Variants in RNF111 observed in about 807,000 individuals in gnomAD.
The protein encoded by RNF111 is ring finger protein 111.
RNF111 carries 17 observed loss-of-function variants against 95.1 expected under a neutral mutation model. The observed-to-expected ratio is 0.18, with a 90% CI of 0.12 to 0.27. The LOEUF (loss-of-function observed/expected upper bound fraction) is 0.27. Ranked by LOEUF, RNF111 falls within the 10% of genes least tolerant of loss-of-function variation. RNF111 has a pLI of 1.00. For missense variants in RNF111, 1,189 were observed against 1,210.4 expected, an observed-to-expected ratio of 0.98 and a Z score of 0.26; for synonymous variants, 440 against 414.8, an observed-to-expected ratio of 1.06 and a Z score of -0.74.
At position 59,031,298 on chromosome 15, in the gene RNF111, A is replaced by C; in HGVS notation, c.476A>C (p.Lys159Thr). Residue 159 changes from lysine (K) to threonine (T), a missense_variant, in exon 2 of 14, where the codon AAA becomes ACA. Lys to Thr is a moderately conservative substitution (Grantham distance 78, BLOSUM62 -1). Transcript: ENST00000348370. ...GATACTGTGACTTCAGATGAGGATA[A>C]AGAAGTCTCTGTAAGACATTCCCAG... ...DSDTVTSDED[K>T]EVSVRHSQTI... The C allele has an allele frequency of 6.2e-7, 1 of 1,614,150 alleles. No homozygotes were observed. Among genetic ancestry groups the C allele is most frequent in the Non-Finnish European group, 8.5e-7 (1 of 1,180,010 alleles).
At chr15:59,067,785 C>A (rs1260170549) in intron 6 of RNF111, among the ~76,000 whole-genome samples, 2 of 152,072 alleles carry the variant, frequency 1.3e-5, no homozygotes, top group African/African-American at 2.4e-5. Flanking sequence ...TTGGAAAATT[C>A]TCCCAGTTTT....
intron 1 of RNF111, among the ~76,000 whole-genome samples, chr15:59,007,150 A>G (rs545721996): frequency 1.6e-4 from 24 of 152,278 alleles, no homozygotes; most frequent in African/African-American, 5.3e-4. Flanking sequence ...AAATGCATCT[A>G]TTTATTGCCC....
At chr15:59,072,448 A>G (rs1310632080) in intron 6 of RNF111, among the ~76,000 whole-genome samples, 1 of 126,598 alleles carries the variant, frequency 7.9e-6, no homozygotes, top group Non-Finnish European at 1.6e-5. Context: ...TGTCATTTCC[A>G]TCTTTTTTTT....
chr15:59,078,527 G>A (rs1463589507), intron 7 of RNF111, among the ~76,000 whole-genome samples: 3 of 144,912 alleles, frequency 2.1e-5, no homozygotes, highest in Non-Finnish European at 3.0e-5. Flanking sequence ...ACTCCTGCCT[G>A]GACAACATAG....
chr15:59,057,279 C>G (rs957057846), intron 4 of RNF111, among the ~76,000 whole-genome samples: 1 of 152,024 alleles, frequency 6.6e-6, no homozygotes, highest in East Asian at 1.9e-4. Flanking sequence ...GTTGAGAAAC[C>G]CTGGTTAAAC....
chr15:59,087,306 AT>A (rs2078926710), intron 10 of RNF111, among the ~76,000 whole-genome samples: 1 of 152,248 alleles, frequency 6.6e-6, no homozygotes, highest in Non-Finnish European at 1.5e-5. Context: ...TGAACAAAGG[AT>A]TCTGAGAACT....
chr15:59,080,816 ATAAAG>A (rs1423225143), intron 7 of RNF111, 115 bp from the exon 8 acceptor site: 26 of 780,878 alleles, frequency 3.3e-5, no homozygotes, highest in Non-Finnish European at 5.2e-5. Context: ...ACTTTACTTG[ATAAAG>A]TATTCATAAA....
intron 2 of RNF111, among the ~76,000 whole-genome samples, chr15:59,045,840 C>G (rs1201479229): frequency 6.6e-6 from 1 of 152,110 alleles, no homozygotes; most frequent in Admixed American, 6.5e-5. Flanking sequence ...GATTATGAAG[C>G]AAGAGTTGGA....
chr15:59,020,387 T>C (rs1422124366), intron 1 of RNF111, among the ~76,000 whole-genome samples: 1 of 152,092 alleles, frequency 6.6e-6, no homozygotes, highest in African/African-American at 2.4e-5. Flanking sequence ...ATTAGACACT[T>C]GTGCAGTATG....
intron 5 of RNF111, among the ~76,000 whole-genome samples, chr15:59,064,302 G>T (rs1243625228): frequency 6.6e-6 from 1 of 152,036 alleles, no homozygotes; most frequent in Non-Finnish European, 1.5e-5. Flanking sequence ...TTGGGAGGTC[G>T]AGGTGGGTGG....
In RNF111 at chr15:59,089,799, T is replaced by A. The variant is rs771846840; in HGVS notation, c.2643+40T>A. ...AAATGAATATGTTTGTCACAGTATC[T>A]TTAATGCAGATTGAGTATATATATA... On this transcript the variant is annotated intron_variant, in intron 11 of 13. Transcript: ENST00000348370. 2.2e-6 allele frequency: 3 copies of A among 1,362,516 alleles called. No individual in the cohort carries two copies. The South Asian group carries it at 3.5e-5, about 16-fold the overall frequency. 84.4% of individuals were successfully genotyped at this position (1,362,516 alleles called of 1,614,324 possible). A position where few individuals can be genotyped will look rare whatever the true frequency, so the allele number is the denominator to read the frequency against.
At chr15:59,002,149 CT>C (rs1454283795) in intron 1 of RNF111, among the ~76,000 whole-genome samples, 3 of 152,144 alleles carry the variant, frequency 2.0e-5, no homozygotes, top group Non-Finnish European at 4.4e-5. Flanking sequence ...CCATAGGTAA[CT>C]GAAACCGTAG....
chr15:59,065,616 C>G (rs1264468066), intron 5 of RNF111, among the ~76,000 whole-genome samples: 1 of 152,174 alleles, frequency 6.6e-6, no homozygotes, highest in Non-Finnish European at 1.5e-5. Flanking sequence ...GACACTAAGT[C>G]ATTAGATTAC....
At chr15:59,026,963 C>G (rs1216101964) in intron 1 of RNF111, among the ~76,000 whole-genome samples, 1 of 152,100 alleles carries the variant, frequency 6.6e-6, no homozygotes, top group Non-Finnish European at 1.5e-5. Flanking sequence ...CTAAACTGAT[C>G]AAAAATCAGA....
chr15:59,060,601 C>T (rs1281106859), intron 5 of RNF111, among the ~76,000 whole-genome samples: 1 of 152,128 alleles, frequency 6.6e-6, no homozygotes, highest in East Asian at 1.9e-4. Context: ...CACCACTACA[C>T]TCCAGCCCAG....
chr15:59,097,131 T>G lies in RNF111; in HGVS notation c.*2231T>G, dbSNP rs1432492080. The stretch of plus-strand genomic sequence containing the variant: ...AAAATGTGATAAGTAATGAAGAAAG[T>G]AAGGAAGAAAATGACTTTGAACATT... On this transcript the variant is annotated 3_prime_UTR_variant, in exon 14 of 14. Coordinates refer to ENST00000348370, the MANE Select transcript of RNF111 (RefSeq NM_017610.8). The G allele has an allele frequency of 6.6e-6, 1 of 152,226 alleles. No homozygotes were observed. Among genetic ancestry groups the G allele is most frequent in the Non-Finnish European group, 1.5e-5 (1 of 68,026 alleles). 9.4% of individuals were successfully genotyped at this position (152,226 alleles called of 1,614,324 possible).
chr15:59,075,728 T>G (rs2043137142), intron 6 of RNF111, among the ~76,000 whole-genome samples: 2 of 152,216 alleles, frequency 1.3e-5, no homozygotes, highest in Admixed American at 1.3e-4. Flanking sequence ...AAAATTGGTT[T>G]AACTGTAAAA....
intron 2 of RNF111, among the ~76,000 whole-genome samples, chr15:59,035,053 G>A (rs374450540): frequency 1.6e-4 from 25 of 152,280 alleles, no homozygotes; most frequent in African/African-American, 6.0e-4. Context: ...GAAGAGCAAA[G>A]TCACGTCTTA....
chr15:59,073,996 ATTTTCTT>A (rs1368099414), intron 6 of RNF111, among the ~76,000 whole-genome samples: 2 of 152,148 alleles, frequency 1.3e-5, no homozygotes, highest in Admixed American at 6.5e-5. Context: ...AGAAACAGCA[ATTTTCTT>A]TTTTCTTTTT....
Sources: gnomAD v4.1 joint callset for allele counts (sites outside exome capture counted in the v4.1 genomes callset) on GRCh38, gnomAD v4.1.1 for gene constraint, MANE v1.5 for transcripts, NCBI Gene and HGNC (gene_info 2026-07-23, HGNC 2026-07-21) for gene names.